PIGR: variants seen among roughly 807,000 people sequenced by gnomAD.
PIGR encodes the protein polymeric immunoglobulin receptor, also known as hepatocellular carcinoma associated protein TB6.
Under a neutral mutation model 69.5 loss-of-function variants are expected in PIGR, and 22 were observed. The observed-to-expected ratio is 0.32, with a 90% CI of 0.23 to 0.45. PIGR has a LOEUF of 0.45. PIGR is among the 20% of genes least tolerant of loss of function. The pLI, the probability that PIGR is intolerant of heterozygous loss-of-function variation, is 1.00. For missense variants in PIGR, 885 were observed against 974.0 expected, an observed-to-expected ratio of 0.91 and a Z score of 1.22; for synonymous variants, 413 against 407.6, an observed-to-expected ratio of 1.01 and a Z score of -0.16.
Position 206,929,257 on chromosome 1 carries a change from A to G in PIGR, c.*1061T>C, listed in dbSNP as rs897074525. On this transcript the variant is annotated 3_prime_UTR_variant, in exon 11 of 11. Coordinates refer to ENST00000356495, the MANE Select transcript of PIGR (RefSeq NM_002644.4). ...GACTTTGTCTCAAAAAAAAGAAAAG[A>G]AAAAAAGAGGCCGGACGCGGTGGCT... The G allele has an allele frequency of 2.0e-5, 3 of 151,952 alleles. No homozygotes were observed. Among genetic ancestry groups the G allele is most frequent in the Non-Finnish European group, 4.4e-5 (3 of 68,034 alleles). 9.4% of individuals were successfully genotyped at this position (151,952 alleles called of 1,614,324 possible).
chr1:206,937,175 C>T lies in PIGR; in HGVS notation c.965G>A (p.Arg322His), dbSNP rs774350139. Residue 322 changes from arginine to histidine, a missense_variant, in exon 4 of 11, where the codon CGC becomes CAC. Physicochemically the swap from Arg to His is conservative, Grantham distance 29. Coordinates refer to ENST00000356495, the MANE Select transcript of PIGR (RefSeq NM_002644.4). ...ITGLRKEDAG[R>H]YLCGAHSDGQ... ...ATCCGAATGGGCTCCACACAGGTAG[C>T]GCCCTGCATCCTCCTTCCTCAGGCC... The T allele has an allele frequency of 5.6e-6, 9 of 1,614,084 alleles. No individual in the cohort carries two copies. Among genetic ancestry groups the T allele is most frequent in the East Asian group, 4.5e-5 (2 of 44,888 alleles).
Position 206,932,586 on chromosome 1 carries a change from AG to A in PIGR, c.1887-10del. 1 of 1,609,212 alleles carries A rather than the reference AG, an allele frequency of 6.2e-7. No individual in the cohort carries two copies. The highest frequency in any genetic ancestry group is 8.5e-7 in the Non-Finnish European group (1 of 1,177,932). ...CACCTTGTTCCTCAGAGCTGGAAGA[AG>A]GCTTAAGTTAGTTCATCCCTGGAAG... On this transcript the variant is annotated splice_polypyrimidine_tract_variant and intron_variant, in intron 7 of 10. Transcript: ENST00000356495.
chr1:206,931,317 C>G lies in PIGR; in HGVS notation c.2199+180G>C, dbSNP rs1390144105. On this transcript the variant is annotated intron_variant, in intron 10 of 10. Transcript: ENST00000356495. ...CTGGGCCTTATCCACATCAGCATCC[C>G]ACAACCAGTAAGATATAGTTCTTCC... 3.4e-6 allele frequency: 5 copies of G among 1,475,774 alleles called. No individual in the cohort carries two copies. In the African/African-American group the frequency reaches 7.1e-5, roughly 21 times the overall value. The allele number at this position is 1,475,774 out of a possible 1,614,324, so 91.4% of individuals were successfully genotyped here. A position where few individuals can be genotyped will look rare whatever the true frequency, so the allele number is the denominator to read the frequency against.
intron 1 of PIGR, among the ~76,000 whole-genome samples, chr1:206,944,902 A>G (rs1205854709): frequency 6.6e-6 from 1 of 152,156 alleles, no homozygotes; most frequent in East Asian, 1.9e-4. Flanking sequence ...GGTTTCCTCA[A>G]CTAGGGAATG....
intron 6 of PIGR, 106 bp from the exon 7 acceptor site, chr1:206,933,272 T>G: frequency 8.5e-7 from 1 of 1,175,426 alleles, no homozygotes; most frequent in South Asian, 1.5e-5. Context: ...AGGGTCAGGG[T>G]TCGATCTCAA....
rs1250985127 is a variant in PIGR, at chr1:206,930,366, C to A, written c.2247G>T (p.Gln749His). The part of the protein sequence containing the change: ...AEMAYKDFLL[Q>H]SSTVAAEAQD... ...GGGCCTCGGCGGCCACGGTGCTGGA[C>A]TGGAGCAGGAAGTCTTTGTAGGCCA... The change falls in exon 11 of 11, where the codon CAG becomes CAT. Residue 749 changes from glutamine to histidine, a missense_variant. Physicochemically the swap from Gln to His is conservative, Grantham distance 24. Transcript: ENST00000356495. The surrounding 1 kb of genome is among the most constrained non-coding windows in gnomAD (Gnocchi z 4.3). 6.2e-7 allele frequency: 1 copy of A among 1,613,000 alleles called. No homozygotes were observed. The highest frequency in any genetic ancestry group is 8.5e-7 in the Non-Finnish European group (1 of 1,179,480).
At chr1:206,932,048 T>C (rs1379942884) in intron 8 of PIGR, among the ~76,000 whole-genome samples, 2 of 152,208 alleles carry the variant, frequency 1.3e-5, no homozygotes, top group East Asian at 3.9e-4. Flanking sequence ...CAGCATCTCC[T>C]TTGGTCCTCA....
chr1:206,934,177 G>T (rs1359416374), intron 6 of PIGR, among the ~76,000 whole-genome samples: 3 of 152,160 alleles, frequency 2.0e-5, no homozygotes, highest in Non-Finnish European at 4.4e-5. Flanking sequence ...TTGTCTTAAT[G>T]CCGAGGTTAA....
At chr1:206,932,957 C>G (rs753338263) in intron 7 of PIGR, 29 bp downstream of exon 7, 1 of 1,610,538 alleles carries the variant, frequency 6.2e-7, no homozygotes, top group East Asian at 2.2e-5. Context: ...GGGTGTTCTC[C>G]GAGTGGGGAG....
chr1:206,939,702 TATG>T (rs1679942532), intron 2 of PIGR, among the ~76,000 whole-genome samples: 1 of 152,222 alleles, frequency 6.6e-6, no homozygotes, highest in African/African-American at 2.4e-5. Context: ...ATGACAAATT[TATG>T]ATAACCCTTG....
In PIGR at chr1:206,931,725, C is replaced by T. The variant is rs1293561263; in HGVS notation, c.2086G>A (p.Asp696Asn). The stretch of plus-strand genomic sequence containing the variant: ...GTGATCGAAGAGGCTCCCATGTTGT[C>T]ATTGGCTCCAAATTCCCTGGAGTTC... The part of the protein sequence containing the change: ...FENSREFGAN[D>N]NMGASSITQE... Residue 696 changes from aspartate (D) to asparagine (N), a missense_variant, in exon 9 of 11, where the codon GAC becomes AAC. Asp to Asn is a conservative substitution (Grantham distance 23). Coordinates refer to ENST00000356495, the MANE Select transcript of PIGR (RefSeq NM_002644.4). 2.5e-6 allele frequency: 4 copies of T among 1,614,182 alleles called. No homozygotes were observed. Among genetic ancestry groups the T allele is most frequent in the Middle Eastern group, 1.6e-4 (1 of 6,062 alleles).
In PIGR at chr1:206,935,816, A is replaced by G. The variant is rs1679852161; in HGVS notation, c.1048T>C (p.Ser350Pro). Residue 350 changes from serine to proline, a missense_variant and splice_region_variant, in exon 5 of 11, where the codon TCC becomes CCC. Transcript: ENST00000356495. The surrounding 1 kb of genome is among the most constrained non-coding windows in gnomAD (Gnocchi z 4.4). ...QAWQLFVNEESTIPRSPTVVK... is the reference protein window; with the variant it reads ...QAWQLFVNEEPTIPRSPTVVK... ...ACAGTGGGGCTGCGGGGAATCGTGG[A>G]CTCTGGAAGCACAGACAGAGATGGG... The G allele has an allele frequency of 6.3e-7, 1 of 1,594,252 alleles. No homozygotes were observed. Among genetic ancestry groups the G allele is most frequent in the Non-Finnish European group, 8.6e-7 (1 of 1,166,256 alleles).
Position 206,935,680 on chromosome 1 carries a change from C to G in PIGR, c.1184G>C (p.Cys395Ser). The change falls in exon 5 of 11, where the codon TGC becomes TCC. Residue 395 changes from cysteine (C) to serine (S), a missense_variant. Physicochemically the swap from Cys to Ser is moderately radical, Grantham distance 112 (BLOSUM62 -1). Transcript: ENST00000356495. This position sits in a 1 kb window ranked among gnomAD's most constrained non-coding sequence, Gnocchi z 4.4. ...CCCCTCGCTGTCCACCAGCAGGGGG[C>G]AGCGGCCATTCTGGGCCCCTTCCCA... ...CLWEGAQNGR[C>S]PLLVDSEGWV... is the part of the protein sequence containing the mutation. 6.2e-7 allele frequency: 1 copy of G among 1,613,940 alleles called. No homozygotes were observed. The highest frequency in any genetic ancestry group is 8.5e-7 in the Non-Finnish European group (1 of 1,179,976).
chr1:206,931,622 A>T (rs1679752958), intron 9 of PIGR, 49 bp downstream of exon 9: 1 of 1,613,928 alleles, frequency 6.2e-7, no homozygotes, highest in Non-Finnish European at 8.5e-7. Context: ...TGTGAGACCA[A>T]TTCTTACTCT....
Position 206,933,084 on chromosome 1 carries a change from GTTCT to G in PIGR, c.1784_1787del (p.Glu595AlafsTer234). 1.9e-6 allele frequency: 3 copies of G among 1,614,204 alleles called. No homozygotes were observed. Among genetic ancestry groups the G allele is most frequent in the Non-Finnish European group, 2.5e-6 (3 of 1,180,032 alleles). On this transcript the variant is annotated frameshift_variant, in exon 7 of 11. Transcript: ENST00000356495. LOFTEE classifies it high-confidence loss of function. ...AAAGCCTGGGATCCTGAATGGCTTT[GTTCT>G]CAATCTCCCGAAAACCAGAGTCTAG...
intron 1 of PIGR, among the ~76,000 whole-genome samples, chr1:206,944,188 C>T (rs1338091982): frequency 6.6e-6 from 1 of 152,206 alleles, no homozygotes; most frequent in Non-Finnish European, 1.5e-5. Context: ...TAAGGAGACA[C>T]CTGGGGCCGG....
At chr1:206,931,346 A>G (rs922231489) in intron 10 of PIGR, 151 bp downstream of exon 10, 33 of 1,532,442 alleles carry the variant, frequency 2.2e-5, no homozygotes, top group East Asian at 1.2e-4. Context: ...TTCTTCCTCA[A>G]AAAGTCCTGA....
intron 6 of PIGR, 65 bp from the exon 7 acceptor site, chr1:206,933,231 G>T (rs1679796048): frequency 1.3e-6 from 2 of 1,498,174 alleles, no homozygotes; most frequent in East Asian, 4.6e-5. Flanking sequence ...TCGAGGTGAA[G>T]GAGTCTGGGG....
intron 6 of PIGR, among the ~76,000 whole-genome samples, chr1:206,934,025 C>G (rs1679815166): frequency 6.6e-6 from 1 of 152,066 alleles, no homozygotes; most frequent in African/African-American, 2.4e-5. Flanking sequence ...CCATGCCCAG[C>G]TAATTTTTGT....
Sources: allele counts gnomAD v4.1 joint callset (sites outside exome capture counted in the v4.1 genomes callset), GRCh38; gene constraint gnomAD v4.1.1; non-coding constraint Gnocchi (gnomAD v3.1); transcripts MANE v1.5; gene names NCBI Gene and HGNC (gene_info 2026-07-23, HGNC 2026-07-21).